The following PRUNE2 variants were observed in gnomAD, a reference collection of about 807,000 sequenced individuals.
PRUNE2 encodes prune homolog 2 with BCH domain.
PRUNE2 carries 164 observed loss-of-function variants against 252.0 expected under a neutral mutation model. The observed-to-expected ratio is 0.65, with a 90% CI of 0.57 to 0.74. The LOEUF is 0.74. Among genes scored for constraint, PRUNE2 ranks in the 30% least tolerant of loss-of-function variants. The pLI is 0.00. For missense variants in PRUNE2, 3,495 were observed against 3,711.0 expected, an observed-to-expected ratio of 0.94 and a Z score of 1.51; for synonymous variants, 1,292 against 1,350.2, an observed-to-expected ratio of 0.96 and a Z score of 0.94.
chr9:76,751,090 G>GT (rs922920077), intron 6 of PRUNE2, among the ~76,000 whole-genome samples: 86 of 152,282 alleles, frequency 5.6e-4, no homozygotes, highest in Middle Eastern at 3.4e-3. Flanking sequence ...ATCTAGACCC[G>GT]TAACATACGC....
chr9:76,674,604 A>T (rs1245110102), intron 9 of PRUNE2, among the ~76,000 whole-genome samples: 1 of 151,304 alleles, frequency 6.6e-6, no homozygotes, highest in East Asian at 2.0e-4. Flanking sequence ...CCGCATCGCC[A>T]AGTCAATCCT....
intron 6 of PRUNE2, among the ~76,000 whole-genome samples, chr9:76,774,472 T>A (rs1589149991): frequency 1.4e-4 from 21 of 146,438 alleles, no homozygotes; most frequent in African/African-American, 4.0e-4. Context: ...TTTTTTTTTT[T>A]TTTTTGAGAT....
chr9:76,687,916 C>A (rs993263718), intron 9 of PRUNE2, among the ~76,000 whole-genome samples: 2 of 152,150 alleles, frequency 1.3e-5, no homozygotes, highest in African/African-American at 4.8e-5. Flanking sequence ...ATCTAGAAGC[C>A]TCCAATAAAA....
At chr9:76,621,202 T>C (rs1356938941) in intron 17 of PRUNE2, among the ~76,000 whole-genome samples, 1 of 152,152 alleles carries the variant, frequency 6.6e-6, no homozygotes, top group Non-Finnish European at 1.5e-5. Flanking sequence ...TCTGAACAAG[T>C]CATGTGGAAA....
chr9:76,716,207 G>A (rs139992663), intron 6 of PRUNE2, among the ~76,000 whole-genome samples: 173 of 152,270 alleles, frequency 1.1e-3, no homozygotes, highest in Non-Finnish European at 2.0e-3. Flanking sequence ...CAAAAATGCC[G>A]GCTGATCTCC....
chr9:76,649,427 A>C (rs1846281987), intron 11 of PRUNE2, among the ~76,000 whole-genome samples: 1 of 152,168 alleles, frequency 6.6e-6, no homozygotes, highest in Non-Finnish European at 1.5e-5. Context: ...TCTACAAAAA[A>C]ATATACCAAT....
intron 6 of PRUNE2, among the ~76,000 whole-genome samples, chr9:76,793,633 A>C (rs1017062251): frequency 6.6e-6 from 1 of 152,170 alleles, no homozygotes; most frequent in African/African-American, 2.4e-5. Context: ...GCTCAACTAC[A>C]TATCACCAGT....
chr9:76,866,422 C>A (rs1047422641), intron 1 of PRUNE2, among the ~76,000 whole-genome samples: 1 of 152,040 alleles, frequency 6.6e-6, no homozygotes, highest in Non-Finnish European at 1.5e-5. Context: ...GTGTTTTTTG[C>A]GATATTTTGT....
In PRUNE2 at chr9:76,710,879, C is replaced by A; in HGVS notation, c.1395G>T (p.Gly465=). ...CAGGGATGGGGCTGTAGGAGTCAAGCCCTGGGAGAAGGGTGTGGTGAGGCC... is the reference window on the plus strand; with the variant it reads ...CAGGGATGGGGCTGTAGGAGTCAAGACCTGGGAGAAGGGTGTGGTGAGGCC... ...GAGPHHTLLP[G]LDSYSPIPEG... The change falls in exon 8 of 19, where the codon GGG becomes GGT. Residue 465 remains glycine, a synonymous_variant. Coordinates refer to ENST00000376718, the MANE Select transcript of PRUNE2 (RefSeq NM_015225.3). The A allele has an allele frequency of 6.5e-7, 1 of 1,543,014 alleles. No homozygotes were observed. The highest frequency in any genetic ancestry group is 8.7e-7 in the Non-Finnish European group (1 of 1,146,776).
intron 12 of PRUNE2, among the ~76,000 whole-genome samples, chr9:76,641,230 A>G (rs1842447871): frequency 6.6e-6 from 1 of 152,244 alleles, no homozygotes; most frequent in Non-Finnish European, 1.5e-5. Context: ...TTATAAATGA[A>G]AATGTGTTAT....
intron 6 of PRUNE2, among the ~76,000 whole-genome samples, chr9:76,797,801 T>G (rs76154202): frequency 0.014 from 2,060 of 152,086 alleles, 40 homozygotes; most frequent in East Asian, 0.07. Flanking sequence ...GATGTATCCA[T>G]CCGGTGTTTT....
chr9:76,708,432 G>A lies in PRUNE2; in HGVS notation c.3842C>T (p.Ser1281Phe), dbSNP rs41310047. ...CTCTGTGTCCTGCTTGTCAAGATGAGATATAAGTGCCTCTGATTCACTGGT... is the reference window on the plus strand; with the variant it reads ...CTCTGTGTCCTGCTTGTCAAGATGAAATATAAGTGCCTCTGATTCACTGGT... ...SGTSESEALI[S>F]HLDKQDTERE... is the part of the protein sequence containing the mutation. Residue 1281 changes from serine (S) to phenylalanine (F), a missense_variant, in exon 8 of 19, where the codon TCT becomes TTT. Coordinates refer to ENST00000376718, the MANE Select transcript of PRUNE2 (RefSeq NM_015225.3). The A allele has an allele frequency of 0.013, 20,908 of 1,613,896 alleles. 177 individuals are homozygous for A. Among genetic ancestry groups the A allele is most frequent in the Non-Finnish European group, 0.015 (17,860 of 1,179,884 alleles).
At chr9:76,787,265 T>TTTA (rs138034175) in intron 6 of PRUNE2, 1 of 152,000 alleles carries the variant, frequency 6.6e-6, no homozygotes, top group Admixed American at 6.5e-5. Flanking sequence ...TTTTATTCTC[T>TTTA]TTATTATTAT....
chr9:76,865,369 C>G (rs2060776394), intron 1 of PRUNE2, among the ~76,000 whole-genome samples: 1 of 152,088 alleles, frequency 6.6e-6, no homozygotes, highest in African/African-American at 2.4e-5. Flanking sequence ...TTACAATGTT[C>G]CTTATATTCT....
At chr9:76,889,394 C>T (rs1441034699) in intron 1 of PRUNE2, among the ~76,000 whole-genome samples, 4 of 151,678 alleles carry the variant, frequency 2.6e-5, no homozygotes, top group Non-Finnish European at 5.9e-5. Flanking sequence ...GATCTTGGCT[C>T]ACTACAACCT....
At chr9:76,800,630 T>C (rs899661212) in intron 6 of PRUNE2, among the ~76,000 whole-genome samples, 3 of 152,224 alleles carry the variant, frequency 2.0e-5, no homozygotes, top group Non-Finnish European at 4.4e-5. Flanking sequence ...TAAATAACTT[T>C]TGGATTTTTT....
intron 1 of PRUNE2, among the ~76,000 whole-genome samples, chr9:76,867,993 C>T (rs1450200929): frequency 6.6e-6 from 1 of 152,108 alleles, no homozygotes; most frequent in Non-Finnish European, 1.5e-5. Flanking sequence ...GGAGAAATAG[C>T]CCCAAATTCT....
At chr9:76,821,844 T>C (rs144711315) in intron 6 of PRUNE2, among the ~76,000 whole-genome samples, 107 of 152,280 alleles carry the variant, frequency 7.0e-4, no homozygotes, top group African/African-American at 2.4e-3. Flanking sequence ...ATAATATAAA[T>C]TGAGGTACAT....
chr9:76,709,381 T>C lies in PRUNE2; in HGVS notation c.2893A>G (p.Thr965Ala). ...TAAGAGTCTGAGGTGGAATAATTGG[T>C]ATCTAAGGGGGAAGGCACCGAATCT... is the stretch of plus-strand genomic sequence containing the variant. The part of the protein sequence containing the change: ...GEDSVPSPLD[T>A]NYSTSDSYTS... The change falls in exon 8 of 19, where the codon ACC (threonine) becomes GCC (alanine). Residue 965 changes from threonine (T) to alanine (A), a missense_variant. Thr to Ala is a moderately conservative substitution (Grantham distance 58). Coordinates refer to ENST00000376718, the MANE Select transcript of PRUNE2 (RefSeq NM_015225.3). 1.2e-6 allele frequency: 2 copies of C among 1,613,958 alleles called. No individual in the cohort carries two copies. The highest frequency in any genetic ancestry group is 1.7e-6 in the Non-Finnish European group (2 of 1,179,866).
Sources: gnomAD v4.1 joint callset for allele counts (sites outside exome capture counted in the v4.1 genomes callset) on GRCh38, gnomAD v4.1.1 for gene constraint, MANE v1.5 for transcripts, NCBI Gene and HGNC (gene_info 2026-07-23, HGNC 2026-07-21) for gene names.